RERE: variants seen among roughly 807,000 people sequenced by gnomAD.
RERE encodes the protein arginine-glutamic acid dipeptide repeats protein.
Under a neutral mutation model 146.1 loss-of-function variants are expected in RERE, and 40 were observed. The observed-to-expected ratio is 0.27, with a 90% CI of 0.21 to 0.36. The LOEUF (loss-of-function observed/expected upper bound fraction) is 0.36. Ranked by LOEUF, RERE falls within the 10% of genes least tolerant of loss-of-function variation. The pLI, the probability that RERE is intolerant of heterozygous loss-of-function variation, is 1.00. For missense variants in RERE, 1,933 were observed against 2,138.7 expected, an observed-to-expected ratio of 0.90 and a Z score of 1.90; for synonymous variants, 1,003 against 866.0, an observed-to-expected ratio of 1.16 and a Z score of -2.78.
chr1:8,456,677 C>G (rs774682314), intron 11 of RERE, among the ~76,000 whole-genome samples: 3 of 152,104 alleles, frequency 2.0e-5, no homozygotes, highest in Non-Finnish European at 4.4e-5. Flanking sequence ...GGCCTTCCGA[C>G]TTCATCTTCT....
intron 8 of RERE, among the ~76,000 whole-genome samples, chr1:8,502,439 C>G (rs1225269159): frequency 5.1e-5 from 6 of 117,892 alleles, no homozygotes; most frequent in Admixed American, 1.6e-4. Flanking sequence ...TCTGCCTGGC[C>G]AGCCGCCCCG....
intron 11 of RERE, among the ~76,000 whole-genome samples, chr1:8,429,013 T>G (rs1171516895): frequency 6.6e-6 from 1 of 151,996 alleles, no homozygotes; most frequent in Non-Finnish European, 1.5e-5. Context: ...TACTGATGAG[T>G]ACAAACGGCA....
chr1:8,577,111 G>A (rs1318091310), intron 4 of RERE, among the ~76,000 whole-genome samples: 1 of 151,912 alleles, frequency 6.6e-6, no homozygotes. Flanking sequence ...GGAGGTTGCA[G>A]TGAGCCAAGA....
chr1:8,632,439 T>C (rs1480914406), intron 2 of RERE, among the ~76,000 whole-genome samples: 7 of 152,256 alleles, frequency 4.6e-5, no homozygotes, highest in Admixed American at 2.0e-4. Flanking sequence ...ACAATGCGTG[T>C]GTTATAATTC....
chr1:8,546,773 G>T (rs1479522942), intron 6 of RERE, among the ~76,000 whole-genome samples: 2 of 151,856 alleles, frequency 1.3e-5, no homozygotes, highest in Admixed American at 6.6e-5. Context: ...GTTTGAACCT[G>T]GGAAGCAGAG....
At chr1:8,410,194 T>A (rs1158053234) in intron 12 of RERE, among the ~76,000 whole-genome samples, 1 of 151,934 alleles carries the variant, frequency 6.6e-6, no homozygotes, top group Non-Finnish European at 1.5e-5. Context: ...TAAGGAGGGC[T>A]GGGCAGGGGA....
chr1:8,637,568 TTAGAAGGACGATA>T (rs1488706317), intron 2 of RERE, among the ~76,000 whole-genome samples: 1 of 152,214 alleles, frequency 6.6e-6, no homozygotes, highest in African/African-American at 2.4e-5. Context: ...TTACTTCATA[TTAGAAGGACGATA>T]TCCTCTGTGA....
At chr1:8,572,852 TAAC>T (rs1332045932) in intron 4 of RERE, among the ~76,000 whole-genome samples, 2 of 152,250 alleles carry the variant, frequency 1.3e-5, no homozygotes, top group African/African-American at 4.8e-5. Context: ...CCTAGGCAAG[TAAC>T]ATTTATTTAC....
Position 8,403,825 on chromosome 1 carries a change from C to CTTTTTTTTTTTTTTTTTTT in RERE, c.1284+18883_1284+18901dup, listed in dbSNP as rs869295197. Among the ~76,000 whole-genome samples, 17 of 70,864 alleles carry CTTTTTTTTTTTTTTTTTTT rather than the reference C, an allele frequency of 2.4e-4. 3 individuals carry two copies. Among genetic ancestry groups the CTTTTTTTTTTTTTTTTTTT allele is most frequent in the African/African-American group, 1.0e-3 (17 of 17,002 alleles). 46.5% of individuals were successfully genotyped at this position (70,864 alleles called of 152,430 possible). ...TCTATTTTTCTTAATAAAATCTTAG[C>CTTTTTTTTTTTTTTTTTTT]TTTTTTTTTTTTTTTTTTTTTTTGA... On this transcript the variant is annotated intron_variant, in intron 12 of 22. Transcript: ENST00000400908.
intron 6 of RERE, among the ~76,000 whole-genome samples, chr1:8,543,991 T>C (rs1300634918): frequency 1.3e-5 from 2 of 152,212 alleles, no homozygotes; most frequent in Non-Finnish European, 2.9e-5. Context: ...TCTAATACAA[T>C]GTGGAAAGAG....
chr1:8,790,059 A>C (rs544841214), intron 1 of RERE, among the ~76,000 whole-genome samples: 1 of 152,316 alleles, frequency 6.6e-6, no homozygotes, highest in East Asian at 1.9e-4. Flanking sequence ...GTATCCCACT[A>C]ACAGCAACAT....
chr1:8,685,189 C>A (rs774788083), intron 1 of RERE, among the ~76,000 whole-genome samples: 14 of 152,174 alleles, frequency 9.2e-5, no homozygotes, highest in Non-Finnish European at 1.6e-4. Flanking sequence ...TAATTTGATG[C>A]TTCCATAGAG....
At chr1:8,774,663 G>A (rs1222003867) in intron 1 of RERE, among the ~76,000 whole-genome samples, 2 of 151,488 alleles carry the variant, frequency 1.3e-5, no homozygotes, top group Non-Finnish European at 1.5e-5. Flanking sequence ...CATCATTTTG[G>A]CAAACTATTA....
chr1:8,409,496 T>C (rs1365449383), intron 12 of RERE, among the ~76,000 whole-genome samples: 1 of 152,146 alleles, frequency 6.6e-6, no homozygotes, highest in Non-Finnish European at 1.5e-5. Context: ...AAGCAGAAAG[T>C]CCAATTTGGA....
At chr1:8,499,906 G>A (rs1005785563) in intron 8 of RERE, among the ~76,000 whole-genome samples, 3 of 152,016 alleles carry the variant, frequency 2.0e-5, no homozygotes, top group Non-Finnish European at 2.9e-5. Flanking sequence ...GATCACCTGA[G>A]GTCAGGAGTT....
chr1:8,626,747 C>T (rs1472942562), intron 2 of RERE, among the ~76,000 whole-genome samples: 4 of 152,182 alleles, frequency 2.6e-5, no homozygotes, highest in African/African-American at 9.7e-5. Flanking sequence ...TTAAGTAATA[C>T]TCTTGGTCTG....
Position 8,361,812 on chromosome 1 carries a change from G to C in RERE, c.1967C>G (p.Ser656Cys), listed in dbSNP as rs1376047242. Residue 656 changes from serine to cysteine, a missense_variant, in exon 17 of 23, where the codon TCT becomes TGT. Physicochemically the swap from Ser to Cys is moderately radical, Grantham distance 112 (BLOSUM62 -1). This residue lies in a region of RERE where 1,255 missense variants were observed against 1,153.8 expected (regional missense o/e 1.09). Transcript: ENST00000400908. Reference protein sequence around the residue: ...SNKRQREKVASDTEEADRTSS... With the variant: ...SNKRQREKVACDTEEADRTSS... ...GGTCCTGTCAGCCTCCTCCGTATCA[G>C]AGGCCACCTTCTCCCGCTGGCGTTT... is the stretch of plus-strand genomic sequence containing the variant. The C allele has an allele frequency of 6.8e-6, 11 of 1,614,016 alleles. No individual in the cohort carries two copies. The South Asian group carries it at 1.1e-4, about 16-fold the overall frequency.
chr1:8,768,888 G>A (rs574765546), intron 1 of RERE, among the ~76,000 whole-genome samples: 1 of 152,336 alleles, frequency 6.6e-6, no homozygotes, highest in South Asian at 2.1e-4. Flanking sequence ...CGTGTACTTA[G>A]AGAAGGAGTT....
intron 1 of RERE, among the ~76,000 whole-genome samples, chr1:8,783,879 T>C (rs193075688): frequency 8.0e-4 from 121 of 151,982 alleles, no homozygotes; most frequent in African/African-American, 2.9e-3. Context: ...CAAGTCCTAA[T>C]CCCCAGTTCC....
Sources: gnomAD v4.1 joint callset for allele counts (sites outside exome capture counted in the v4.1 genomes callset) on GRCh38, gnomAD v4.1.1 for gene constraint, gnomAD v4.1.1 regional missense constraint, MANE v1.5 for transcripts, NCBI Gene and HGNC (gene_info 2026-07-23, HGNC 2026-07-21) for gene names.